Variants in NID1 observed in about 807,000 individuals in gnomAD.
NID1 encodes the protein nidogen 1.
A neutral mutation model predicts 130.6 loss-of-function variants in NID1; 76 were observed. The observed-to-expected ratio is 0.58, with a 90% confidence interval of 0.48 to 0.70. NID1 has a LOEUF of 0.70. NID1 is among the 30% of genes least tolerant of loss of function. The probability of loss-of-function intolerance (pLI) is 0.00; values close to 1 mark genes in which losing one functional copy is unlikely to be tolerated. For missense variants in NID1, 1,517 were observed against 1,664.8 expected, an observed-to-expected ratio of 0.91 and a Z score of 1.54; for synonymous variants, 665 against 675.1, an observed-to-expected ratio of 0.98 and a Z score of 0.23.
Position 236,029,506 on chromosome 1 carries a change from A to T in NID1, c.1738+44T>A, listed in dbSNP as rs376378239. 3,324 of 1,530,154 alleles carry T rather than the reference A, an allele frequency of 2.2e-3. 4 individuals are homozygous for T. Among genetic ancestry groups the T allele is most frequent in the Non-Finnish European group, 2.8e-3 (3,110 of 1,130,736 alleles). 94.8% of individuals were successfully genotyped at this position (1,530,154 alleles called of 1,614,324 possible). A position where few individuals can be genotyped will look rare whatever the true frequency, so the allele number is the denominator to read the frequency against. On this transcript the variant is annotated intron_variant, in intron 7 of 19. Coordinates refer to ENST00000264187, the MANE Select transcript of NID1 (RefSeq NM_002508.3). ...CGTGGTGGGTCAAGAGCACGAGGCTAGTGGCCGGTCTGGGGCTGGCCCTGG... is the reference window on the plus strand; with the variant it reads ...CGTGGTGGGTCAAGAGCACGAGGCTTGTGGCCGGTCTGGGGCTGGCCCTGG...
chr1:236,020,673 C>T (rs1048832559), intron 9 of NID1, among the ~76,000 whole-genome samples: 7 of 152,200 alleles, frequency 4.6e-5, no homozygotes, highest in African/African-American at 1.4e-4. Flanking sequence ...TCTCCTCTAA[C>T]GCACTTCCCA....
rs1225624376 is a variant in NID1, at chr1:235,979,272, T to G, written c.3510-165A>C. Among the ~76,000 whole-genome samples, 1 of 152,136 alleles carries G rather than the reference T, an allele frequency of 6.6e-6. No homozygotes were observed. On this transcript the variant is annotated intron_variant, in intron 18 of 19. Coordinates refer to ENST00000264187, the MANE Select transcript of NID1 (RefSeq NM_002508.3). This position sits in a 1 kb window ranked among gnomAD's most constrained non-coding sequence, Gnocchi z 4.6. ...TCCTTCCCCTGGGGTGGGTCAAGCC[T>G]GCATTTCTCTGGCTTTTTACAAAAG...
intron 8 of NID1, among the ~76,000 whole-genome samples, chr1:236,025,263 C>CTTTTTTTTTTT (rs750410998): frequency 1.4e-3 from 169 of 123,708 alleles, no homozygotes; most frequent in East Asian, 6.6e-3. Flanking sequence ...TACAATTTCT[C>CTTTTTTTTTTT]TTTTTTTTTT....
intron 12 of NID1, among the ~76,000 whole-genome samples, chr1:236,007,634 T>C (rs1284113483): frequency 6.6e-6 from 1 of 152,204 alleles, no homozygotes; most frequent in Non-Finnish European, 1.5e-5. Context: ...CTGCTAGATC[T>C]TGAAGACACT....
At chr1:235,991,647 T>C (rs888642551) in intron 13 of NID1, among the ~76,000 whole-genome samples, 1 of 152,108 alleles carries the variant, frequency 6.6e-6, no homozygotes, top group Non-Finnish European at 1.5e-5. Context: ...TCCCTCTTAA[T>C]AGAAAAGCTT....
rs1428312369 is a variant in NID1 at position 236,038,849 on chromosome 1, T to A, written c.1136-596A>T. On this transcript the variant is annotated intron_variant, in intron 4 of 19. Coordinates refer to ENST00000264187, the MANE Select transcript of NID1 (RefSeq NM_002508.3). ...TAGGTCATATATAATAAATATTACCTATGTTATATAGGTCATATATAATAT... is the reference window on the plus strand; with the variant it reads ...TAGGTCATATATAATAAATATTACCAATGTTATATAGGTCATATATAATAT... Among the ~76,000 whole-genome samples, 2 of 132,324 alleles carry A rather than the reference T, an allele frequency of 1.5e-5. 1 individual carries two copies. The highest frequency in any genetic ancestry group is 4.5e-4 in the East Asian group (2 of 4,416). The allele number at this position is 132,324 out of a possible 152,430, so 86.8% of individuals were successfully genotyped here.
chr1:236,058,256 T>G (rs1331914782), intron 1 of NID1, among the ~76,000 whole-genome samples: 1 of 152,226 alleles, frequency 6.6e-6, no homozygotes, highest in East Asian at 1.9e-4. Flanking sequence ...CAGTTCACAC[T>G]GAGAAAAAGT....
intron 12 of NID1, among the ~76,000 whole-genome samples, chr1:235,994,930 T>A (rs1216422554): frequency 6.6e-6 from 1 of 152,172 alleles, no homozygotes; most frequent in Non-Finnish European, 1.5e-5. Flanking sequence ...AGCTTCTTGA[T>A]AACCGACAAG....
chr1:236,038,307 G>A lies in NID1; in HGVS notation c.1136-54C>T, dbSNP rs182539696. On this transcript the variant is annotated intron_variant, in intron 4 of 19. Transcript: ENST00000264187. ...TAAGCATTTCATGCAGCTCTAGCCC[G>A]GTGGGCTCTCTCATCTAGGCACCCT... The A allele has an allele frequency of 1.8e-4, 291 of 1,575,214 alleles. No individual in the cohort carries two copies. The African/African-American group carries it at 3.2e-3, about 17-fold the overall frequency.
chr1:236,055,669 G>GA (rs143216004), intron 1 of NID1, among the ~76,000 whole-genome samples: 3,784 of 145,740 alleles, frequency 0.026, 74 homozygotes, highest in African/African-American at 0.064. Context: ...AATAAAAATA[G>GA]AAAAAAAAAA....
At chr1:235,990,291 A>G (rs1657694782) in intron 14 of NID1, among the ~76,000 whole-genome samples, 1 of 152,206 alleles carries the variant, frequency 6.6e-6, no homozygotes, top group South Asian at 2.1e-4. Flanking sequence ...CATCTTTACC[A>G]AGAATCTTCA....
intron 1 of NID1, among the ~76,000 whole-genome samples, chr1:236,061,314 T>C (rs1190049876): frequency 1.3e-5 from 2 of 152,096 alleles, no homozygotes; most frequent in African/African-American, 4.8e-5. Flanking sequence ...TGGGGAAAAA[T>C]ATAACTTCAC....
intron 14 of NID1, among the ~76,000 whole-genome samples, chr1:235,988,849 G>A (rs972440661): frequency 6.6e-6 from 1 of 152,204 alleles, no homozygotes; most frequent in African/African-American, 2.4e-5. Context: ...AATCGTGGCT[G>A]CCAGGGGCTA....
At chr1:236,020,313 G>A (rs572442230) in intron 9 of NID1, among the ~76,000 whole-genome samples, 28 of 152,108 alleles carry the variant, frequency 1.8e-4, no homozygotes, top group African/African-American at 6.5e-4. Flanking sequence ...TTTCAGAGTG[G>A]CTACTTTTCA....
chr1:235,985,060 GCGGGCGAC>G (rs1657534379), intron 15 of NID1, among the ~76,000 whole-genome samples: 2 of 152,052 alleles, frequency 1.3e-5, no homozygotes, highest in Admixed American at 1.3e-4. Flanking sequence ...AGGCATGGTG[GCGGGCGAC>G]TTTAGTCCCA....
rs1019526576 is a variant in NID1, at chr1:235,979,169, C to T, written c.3510-62G>A. On this transcript the variant is annotated intron_variant, in intron 18 of 19. Coordinates refer to ENST00000264187, the MANE Select transcript of NID1 (RefSeq NM_002508.3). This position sits in a 1 kb window ranked among gnomAD's most constrained non-coding sequence, Gnocchi z 4.6. ...CTGATGGCTTGAACTTGTATCTAAA[C>T]AAGGCAGCCTCTTTGTCATTTTGAG... 8 of 1,042,468 alleles carry T rather than the reference C, an allele frequency of 7.7e-6. No homozygotes were observed. The highest frequency in any genetic ancestry group is 4.8e-5 in the East Asian group (2 of 41,588). 64.6% of individuals were successfully genotyped at this position (1,042,468 alleles called of 1,614,324 possible). A position where few individuals can be genotyped will look rare whatever the true frequency, so the allele number is the denominator to read the frequency against.
At chr1:236,041,172 A>C (rs1659439163) in intron 4 of NID1, among the ~76,000 whole-genome samples, 3 of 152,054 alleles carry the variant, frequency 2.0e-5, no homozygotes, top group Admixed American at 1.3e-4. Context: ...GGTTCAAGCA[A>C]TCCTCCTGCC....
At chr1:236,025,822 C>A in intron 8 of NID1, 74 bp downstream of exon 8, 1 of 1,560,406 alleles carries the variant, frequency 6.4e-7, no homozygotes, top group Non-Finnish European at 8.7e-7. Context: ...AGTAAGAGAC[C>A]AAAAACAATG....
rs567674287 is a variant in NID1, at chr1:236,030,477, CAAAA to C, written c.1538-731_1538-728del. Among the ~76,000 whole-genome samples the C allele has an allele frequency of 4.1e-3, 622 of 152,076 alleles. 4 individuals carry two copies. Among genetic ancestry groups the C allele is most frequent in the African/African-American group, 0.014 (561 of 41,470 alleles). Reference sequence around the variant, plus strand: ...CATTTTTTAATGGTTAAAAAAAAATCAAAAGAACAGTATTTCATGGTATGTGAAA... The same window carrying C: ...CATTTTTTAATGGTTAAAAAAAAATCGAACAGTATTTCATGGTATGTGAAA... On this transcript the variant is annotated intron_variant, in intron 6 of 19. Coordinates refer to ENST00000264187, the MANE Select transcript of NID1 (RefSeq NM_002508.3).
Sources: allele counts gnomAD v4.1 joint callset (sites outside exome capture counted in the v4.1 genomes callset), GRCh38; gene constraint gnomAD v4.1.1; non-coding constraint Gnocchi (gnomAD v3.1); transcripts MANE v1.5; gene names NCBI Gene and HGNC (gene_info 2026-07-23, HGNC 2026-07-21).